Variants in NVL observed in about 807,000 individuals in gnomAD.
NVL encodes nuclear VCP like.
In NVL, 84 loss-of-function variants were observed where a neutral mutation model predicts 110.2. The observed-to-expected ratio is 0.76, with a 90% CI of 0.64 to 0.91. NVL has a LOEUF of 0.91. NVL is among the 40% of genes least tolerant of loss of function. The probability of loss-of-function intolerance (pLI) is 0.00; values close to 1 mark genes in which losing one functional copy is unlikely to be tolerated. For missense variants in NVL, 882 were observed against 1,035.9 expected, an observed-to-expected ratio of 0.85 and a Z score of 2.04; for synonymous variants, 354 against 361.1, an observed-to-expected ratio of 0.98 and a Z score of 0.22.
intron 19 of NVL, among the ~76,000 whole-genome samples, chr1:224,249,516 G>A (rs1243863938): frequency 6.6e-6 from 1 of 152,086 alleles, no homozygotes; most frequent in Non-Finnish European, 1.5e-5. Flanking sequence ...AGGCCGAGGC[G>A]GGTGGATCAC....
intron 18 of NVL, among the ~76,000 whole-genome samples, chr1:224,253,531 G>C (rs2102768532): frequency 6.6e-6 from 1 of 150,918 alleles, no homozygotes; most frequent in South Asian, 2.1e-4. Context: ...TCAAGAGATT[G>C]AGACCATCCT....
intron 19 of NVL, among the ~76,000 whole-genome samples, chr1:224,237,560 C>G (rs1660624806): frequency 1.3e-5 from 2 of 152,066 alleles, no homozygotes. Flanking sequence ...TTTTTAGTGA[C>G]AAACTGCAGA....
In NVL at chr1:224,330,098, A is replaced by G. The variant is rs748035238; in HGVS notation, c.30T>C (p.Asp10=). ...GGATGACTCGCTGCTTGAGTTTATTATCCACGAACCCTGCAGGTCTGGGCT... is the reference window on the plus strand; with the variant it reads ...GGATGACTCGCTGCTTGAGTTTATTGTCCACGAACCCTGCAGGTCTGGGCT... The part of the protein sequence containing the change: MKPRPAGFV[D]NKLKQRVIQY... The change falls in exon 1 of 23, where the codon GAT becomes GAC. Residue 10 remains aspartate (D), a synonymous_variant. Transcript: ENST00000281701. 1.9e-5 allele frequency: 30 copies of G among 1,613,876 alleles called. No individual in the cohort carries two copies. The East Asian group carries it at 6.5e-4, about 35-fold the overall frequency.
intron 20 of NVL, among the ~76,000 whole-genome samples, chr1:224,235,715 G>A: frequency 6.6e-6 from 1 of 152,016 alleles, no homozygotes; most frequent in Non-Finnish European, 1.5e-5. Flanking sequence ...GACTACTTAA[G>A]CTCAGGAGTT....
intron 20 of NVL, among the ~76,000 whole-genome samples, chr1:224,235,870 C>A (rs1660406637): frequency 6.7e-6 from 1 of 150,208 alleles, no homozygotes; most frequent in African/African-American, 2.5e-5. Context: ...GAAGTCAAGG[C>A]TACAGTGAGC....
At chr1:224,275,562 C>CAT in intron 16 of NVL, 104 bp from the exon 17 acceptor site, 1 of 1,435,606 alleles carries the variant, frequency 7.0e-7, no homozygotes, top group Non-Finnish European at 9.6e-7. Flanking sequence ...TTTTATGTGT[C>CAT]AAAGTCCAGA....
chr1:224,244,628 C>T (rs534785738), intron 19 of NVL, among the ~76,000 whole-genome samples: 16 of 151,118 alleles, frequency 1.1e-4, no homozygotes, highest in African/African-American at 3.2e-4. Context: ...CATGCCACCA[C>T]GCCCGGCTAA....
intron 19 of NVL, among the ~76,000 whole-genome samples, chr1:224,240,783 CTT>C (rs59138570): frequency 0.013 from 1,079 of 82,540 alleles, 6 homozygotes; most frequent in African/African-American, 0.048. Flanking sequence ...ACAAACTGTC[CTT>C]TTTTTTTTTT....
chr1:224,315,451 G>A (rs1180905351), intron 4 of NVL, among the ~76,000 whole-genome samples: 1 of 152,082 alleles, frequency 6.6e-6, no homozygotes, highest in Non-Finnish European at 1.5e-5. Flanking sequence ...ACCTATTCAT[G>A]ACAAAAATTC....
intron 4 of NVL, among the ~76,000 whole-genome samples, chr1:224,313,335 T>C (rs930701368): frequency 6.6e-6 from 1 of 150,630 alleles, no homozygotes; most frequent in Non-Finnish European, 1.5e-5. Flanking sequence ...TCCAAGTGGA[T>C]TAAAGAGTTA....
rs41271483 is a variant in NVL at position 224,227,640 on chromosome 1, A to C, written c.2557T>G (p.Ser853Ala). The change falls in exon 23 of 23, where the codon TCC becomes GCC. Residue 853 changes from serine (S) to alanine (A), a missense_variant. By Grantham distance (99) the Ser-to-Ala change is moderately conservative. Transcript: ENST00000281701. The part of the protein sequence containing the change: ...DQIMYERLQE[S>A]LSR ...TGCTGGAGACATCACCGGCTGAGGG[A>C]CTCCTGCAAACGTTCATACATGATT... 26 of 1,610,944 alleles carry C rather than the reference A, an allele frequency of 1.6e-5. No individual in the cohort carries two copies. The highest frequency in any genetic ancestry group is 2.0e-5 in the Non-Finnish European group (23 of 1,178,242).
At chr1:224,258,556 G>A (rs1418541042) in intron 18 of NVL, among the ~76,000 whole-genome samples, 1 of 152,038 alleles carries the variant, frequency 6.6e-6, no homozygotes, top group Non-Finnish European at 1.5e-5. Flanking sequence ...TATAGACCCA[G>A]GAGAAATTAA....
At position 224,227,630 on chromosome 1, in the gene NVL, C is replaced by T. The variant is rs552984431; in HGVS notation, c.2567G>A (p.Arg856Gln). ...MYERLQESLS[R>Q] ...CTAAGCCGGCTGCTGGAGACATCACCGGCTGAGGGACTCCTGCAAACGTTC... is the reference window on the plus strand; with the variant it reads ...CTAAGCCGGCTGCTGGAGACATCACTGGCTGAGGGACTCCTGCAAACGTTC... The change falls in exon 23 of 23, where the codon CGG becomes CAG. Residue 856 changes from arginine (R) to glutamine (Q), a missense_variant. Physicochemically the swap from Arg to Gln is conservative, Grantham distance 43. Coordinates refer to ENST00000281701, the MANE Select transcript of NVL (RefSeq NM_002533.4). The T allele has an allele frequency of 7.5e-6, 12 of 1,610,566 alleles. No homozygotes were observed. The highest frequency in any genetic ancestry group is 3.3e-5 in the Admixed American group (2 of 59,782).
chr1:224,249,526 C>T (rs1490232788), intron 19 of NVL, among the ~76,000 whole-genome samples: 1 of 152,070 alleles, frequency 6.6e-6, no homozygotes, highest in Admixed American at 6.6e-5. Flanking sequence ...GGGTGGATCA[C>T]GAGGTCAGGA....
chr1:224,231,695 G>T (rs1484228485), intron 21 of NVL, among the ~76,000 whole-genome samples: 1 of 152,078 alleles, frequency 6.6e-6, no homozygotes, highest in Non-Finnish European at 1.5e-5. Flanking sequence ...TAATATCATA[G>T]AATATTTTAT....
In NVL at chr1:224,255,182, G is replaced by GTTT. The variant is rs34120278; in HGVS notation, c.2183-4867_2183-4865dup. 1.3e-3 allele frequency among the ~76,000 whole-genome samples: 125 copies of GTTT among 96,690 alleles called. 6 individuals are homozygous for GTTT. Among genetic ancestry groups the GTTT allele is most frequent in the East Asian group, 2.3e-3 (7 of 3,012 alleles). The allele number at this position is 96,690 out of a possible 152,430, so 63.4% of individuals were successfully genotyped here. On this transcript the variant is annotated intron_variant, in intron 18 of 22. Coordinates refer to ENST00000281701, the MANE Select transcript of NVL (RefSeq NM_002533.4). ...ATGTGCCTGGCCCAAAATGGTGTAGGTTTTTTTTTTTTTTTTTTTTTTCCT... is the reference window on the plus strand; with the variant it reads ...ATGTGCCTGGCCCAAAATGGTGTAGGTTTTTTTTTTTTTTTTTTTTTTTTTCCT...
rs776438777 is a variant in NVL at position 224,281,195 on chromosome 1, G to A, written c.1900-10C>T. 9 of 1,611,720 alleles carry A rather than the reference G, an allele frequency of 5.6e-6. No homozygotes were observed. In the African/African-American group the frequency reaches 1.1e-4, roughly 19 times the overall value. On this transcript the variant is annotated splice_polypyrimidine_tract_variant and intron_variant, in intron 15 of 22. Coordinates refer to ENST00000281701, the MANE Select transcript of NVL (RefSeq NM_002533.4). ...ACTCATTTGCAACAGCCTAGCAAGA[G>A]GAAACAAAAAGACACAAATAAGACC...
chr1:224,289,292 A>C (rs1201221012), intron 13 of NVL, 192 bp downstream of exon 13: 2 of 563,630 alleles, frequency 3.5e-6, no homozygotes, highest in Non-Finnish European at 2.9e-6. Flanking sequence ...GAATTTATTA[A>C]AATAAACTAA....
At chr1:224,230,736 A>G (rs111561710) in intron 22 of NVL, among the ~76,000 whole-genome samples, 2,717 of 152,342 alleles carry the variant, frequency 0.018, 78 homozygotes, top group African/African-American at 0.061. Flanking sequence ...AAAATCTCTC[A>G]AGAACATTCT....
Sources: allele counts gnomAD v4.1 joint callset (sites outside exome capture counted in the v4.1 genomes callset), GRCh38; gene constraint gnomAD v4.1.1; transcripts MANE v1.5; gene names NCBI Gene and HGNC (gene_info 2026-07-23, HGNC 2026-07-21).